SIN3A: variants seen among roughly 807,000 people sequenced by gnomAD.
The protein encoded by SIN3A is SIN3 transcription regulator family member A, also known as paired amphipathic helix protein Sin3a.
In SIN3A, 14 loss-of-function variants were observed where a neutral mutation model predicts 146.1. The ratio of observed to expected loss-of-function variants is 0.10; its 90% CI spans 0.06 to 0.15. The LOEUF is 0.15. Among genes scored for constraint, SIN3A ranks in the 10% least tolerant of loss-of-function variants. The probability of loss-of-function intolerance (pLI) is 1.00; values close to 1 mark genes in which losing one functional copy is unlikely to be tolerated. For synonymous variants in SIN3A, 572 were observed against 572.0 expected (o/e 1.00, Z 0.00); for missense variants, 1,028 against 1,576.0 (o/e 0.65, Z 5.89).
At chr15:75,383,018 C>T (rs1395564576) in intron 17 of SIN3A, among the ~76,000 whole-genome samples, 8 of 151,848 alleles carry the variant, frequency 5.3e-5, no homozygotes, top group East Asian at 3.9e-4. Flanking sequence ...ACCCAGGAGG[C>T]GGAGGTTGCA....
chr15:75,450,741 C>T (rs1370387347), intron 1 of SIN3A, among the ~76,000 whole-genome samples: 2 of 152,236 alleles, frequency 1.3e-5, no homozygotes, highest in Non-Finnish European at 2.9e-5. Context: ...AGCTCCCAGT[C>T]GGCGGGTGCC....
At chr15:75,434,145 T>A (rs1484957491) in intron 1 of SIN3A, among the ~76,000 whole-genome samples, 12 of 152,224 alleles carry the variant, frequency 7.9e-5, no homozygotes, top group Non-Finnish European at 1.5e-5. Context: ...TTTACTTATT[T>A]AAGGCACACA....
intron 3 of SIN3A, chr15:75,420,896 CACA>C (rs1473536259): frequency 6.6e-6 from 1 of 152,294 alleles, no homozygotes; most frequent in African/African-American, 2.4e-5. Context: ...ACTAAAAGAA[CACA>C]ACAAGAAATC....
rs769080228 is a variant in SIN3A, at chr15:75,392,306, T to C, written c.2787A>G (p.Glu929=). 7.2e-5 allele frequency: 116 copies of C among 1,614,094 alleles called. No individual in the cohort carries two copies. The highest frequency in any genetic ancestry group is 9.2e-5 in the Non-Finnish European group (108 of 1,180,048). The part of the protein sequence containing the change: ...EENREREWER[E]VLGIKRDKSD... ...TCTTGTCTCGCTTTATGCCCAGCAC[T>C]TCCCGTTCCCATTCTCTCTCTCGGT... Residue 929 remains glutamate (E), a synonymous_variant, in exon 15 of 21, where the codon GAA becomes GAG. Transcript: ENST00000394947.
At chr15:75,427,998 A>G (rs2073955371) in intron 2 of SIN3A, among the ~76,000 whole-genome samples, 1 of 152,012 alleles carries the variant, frequency 6.6e-6, no homozygotes, top group Non-Finnish European at 1.5e-5. Context: ...TAAATAAATA[A>G]ATGAATAAAA....
Position 75,378,459 on chromosome 15 carries a change from G to T in SIN3A, c.3383+2170C>A, listed in dbSNP as rs571318397. Among the ~76,000 whole-genome samples, 15 of 152,290 alleles carry T rather than the reference G, an allele frequency of 9.8e-5. No individual in the cohort carries two copies. In the East Asian group the frequency reaches 2.5e-3, roughly 25 times the overall value. On this transcript the variant is annotated intron_variant, in intron 19 of 20. Coordinates refer to ENST00000394947, the MANE Select transcript of SIN3A (RefSeq NM_001145358.2). ...CATGCCTGTAATCCCAGCTACTCGG[G>T]AGGCTGAGGCAGGAGAATCACTTAA...
At chr15:75,445,479 C>T (rs2074289379) in intron 1 of SIN3A, among the ~76,000 whole-genome samples, 4 of 149,958 alleles carry the variant, frequency 2.7e-5, no homozygotes, top group Admixed American at 2.7e-4. Context: ...CACTTGAACC[C>T]AGGAGGTGGA....
At chr15:75,379,756 G>A (rs2072930430) in intron 19 of SIN3A, among the ~76,000 whole-genome samples, 1 of 152,198 alleles carries the variant, frequency 6.6e-6, no homozygotes, top group African/African-American at 2.4e-5. Flanking sequence ...AAGGAAGAAA[G>A]CCATTCTACC....
chr15:75,374,674 T>C (rs545912951), intron 20 of SIN3A, among the ~76,000 whole-genome samples: 11 of 152,320 alleles, frequency 7.2e-5, no homozygotes, highest in African/African-American at 2.4e-4. Context: ...ACAATGGTGT[T>C]TGTAATTTCT....
At chr15:75,429,251 T>A (rs1376695374) in intron 2 of SIN3A, among the ~76,000 whole-genome samples, 1 of 151,896 alleles carries the variant, frequency 6.6e-6, no homozygotes, top group African/African-American at 2.4e-5. Context: ...CAACACCTCA[T>A]CTCTACAAAA....
At chr15:75,433,891 G>A (rs959695668) in intron 1 of SIN3A, among the ~76,000 whole-genome samples, 15 of 152,130 alleles carry the variant, frequency 9.9e-5, no homozygotes, top group Admixed American at 9.8e-4. Flanking sequence ...AATTGCTTCC[G>A]CTCTAATCAT....
chr15:75,418,176 C>A (rs746584378), intron 3 of SIN3A, among the ~76,000 whole-genome samples: 10 of 151,044 alleles, frequency 6.6e-5, no homozygotes, highest in Non-Finnish European at 1.2e-4. Flanking sequence ...GGATTATAGG[C>A]GCCTGCCACC....
chr15:75,423,695 A>C (rs1373670297), intron 2 of SIN3A, among the ~76,000 whole-genome samples: 1 of 151,984 alleles, frequency 6.6e-6, no homozygotes, highest in African/African-American at 2.4e-5. Context: ...AACAAACAAA[A>C]AAATATATAT....
At chr15:75,422,484 G>T in intron 3 of SIN3A, 163 bp downstream of exon 3, 1 of 771,888 alleles carries the variant, frequency 1.3e-6, no homozygotes, top group Non-Finnish European at 2.2e-6. Context: ...CTGATGCCAA[G>T]ATAGGAAACA....
Position 75,405,132 on chromosome 15 carries a change from G to A in SIN3A, c.1407+1923C>T, listed in dbSNP as rs555727158. Among the ~76,000 whole-genome samples, 9 of 150,212 alleles carry A rather than the reference G, an allele frequency of 6.0e-5. No individual in the cohort carries two copies. The South Asian group carries it at 1.3e-3, about 21-fold the overall frequency. On this transcript the variant is annotated intron_variant, in intron 9 of 20. Coordinates refer to ENST00000394947, the MANE Select transcript of SIN3A (RefSeq NM_001145358.2). Reference sequence around the variant, plus strand: ...CTGTAATCCCAGCACTTTGGGAGGCGAAGGAGGGCTGATCACCCGAGGTCA... The same window carrying A: ...CTGTAATCCCAGCACTTTGGGAGGCAAAGGAGGGCTGATCACCCGAGGTCA...
chr15:75,442,211 C>T (rs76750037), intron 1 of SIN3A, among the ~76,000 whole-genome samples: 2,013 of 141,680 alleles, frequency 0.014, 149 homozygotes, highest in Admixed American at 0.12. Context: ...TATACATATA[C>T]GTAACTTTGG....
intron 19 of SIN3A, among the ~76,000 whole-genome samples, chr15:75,377,906 G>C (rs1195799064): frequency 6.6e-6 from 1 of 152,150 alleles, no homozygotes; most frequent in Non-Finnish European, 1.5e-5. Flanking sequence ...ATGAACAAGG[G>C]AGCCTATCAC....
chr15:75,453,985 G>A (rs2074449507), upstream of SIN3A: 3 of 152,256 alleles, frequency 2.0e-5, no homozygotes, highest in Admixed American at 2.0e-4. Context: ...GGAGCTAGGC[G>A]GGCCTCACAC....
intron 1 of SIN3A, among the ~76,000 whole-genome samples, chr15:75,448,761 T>C (rs1164087735): frequency 6.6e-6 from 1 of 152,152 alleles, no homozygotes; most frequent in Non-Finnish European, 1.5e-5. Flanking sequence ...AATTCCCAGG[T>C]ACTAACATCT....
Sources: allele counts gnomAD v4.1 joint callset (sites outside exome capture counted in the v4.1 genomes callset), GRCh38; gene constraint gnomAD v4.1.1; transcripts MANE v1.5; gene names NCBI Gene and HGNC (gene_info 2026-07-23, HGNC 2026-07-21).